DNAJA3: variants seen among roughly 807,000 people sequenced by gnomAD.
The protein encoded by DNAJA3 is dnaJ homolog subfamily A member 3, mitochondrial.
Under a neutral mutation model 54.9 loss-of-function variants are expected in DNAJA3, and 29 were observed. That is an observed-to-expected ratio of 0.53 (90% CI 0.39 to 0.72). DNAJA3 has a LOEUF of 0.72. DNAJA3 is among the 30% of genes least tolerant of loss of function. The pLI is 0.00. For synonymous variants in DNAJA3, 302 were observed against 251.4 expected, an observed-to-expected ratio of 1.20 and a Z score of -1.90; for missense variants, 708 against 639.4, an observed-to-expected ratio of 1.11 and a Z score of -1.16.
chr16:4,448,847 A>G lies in DNAJA3; in HGVS notation c.1240A>G (p.Lys414Glu), dbSNP rs372309680. 15 of 1,612,006 alleles carry G rather than the reference A, an allele frequency of 9.3e-6. No individual in the cohort carries two copies. The African/African-American group carries it at 1.6e-4, about 17-fold the overall frequency. Residue 414 changes from lysine (K) to glutamate (E), a missense_variant and splice_region_variant, in exon 9 of 12, where the codon AAG becomes GAG. Lys to Glu is a moderately conservative substitution (Grantham distance 56). Coordinates refer to ENST00000262375, the MANE Select transcript of DNAJA3 (RefSeq NM_005147.6). ...HYIHIKIRVP[K>E]RLTSRQQSLI... is the part of the protein sequence containing the mutation. ...CATCCACATCAAGATACGAGTTCCAAAGTAAGTGCCCCCTAGGCTGTGGCC... is the reference window on the plus strand; with the variant it reads ...CATCCACATCAAGATACGAGTTCCAGAGTAAGTGCCCCCTAGGCTGTGGCC...
chr16:4,451,808 C>T (rs1387220167), intron 10 of DNAJA3, among the ~76,000 whole-genome samples: 3 of 145,606 alleles, frequency 2.1e-5, no homozygotes, highest in Non-Finnish European at 4.5e-5. Context: ...CGCCTGTAAT[C>T]CTAGCACTTT....
At chr16:4,435,451 A>G (rs1596362071) in intron 2 of DNAJA3, among the ~76,000 whole-genome samples, 1 of 152,266 alleles carries the variant, frequency 6.6e-6, no homozygotes, top group African/African-American at 2.4e-5. Flanking sequence ...CATTACCTCG[A>G]AAAGAAACTC....
intron 2 of DNAJA3, among the ~76,000 whole-genome samples, chr16:4,434,930 T>C (rs2056755679): frequency 7.8e-6 from 1 of 127,966 alleles, no homozygotes; most frequent in African/African-American, 3.1e-5. Flanking sequence ...GGAGTCTCAC[T>C]CCATTGCTGA....
intron 8 of DNAJA3, chr16:4,447,679 C>G (rs1202932895): frequency 6.5e-6 from 1 of 152,828 alleles, no homozygotes; most frequent in Admixed American, 6.5e-5. Flanking sequence ...TGCTCCCTCA[C>G]TCCTGCTTCC....
chr16:4,446,049 G>GTAGCTGGGACTACAGGC (rs1434187919), intron 7 of DNAJA3, among the ~76,000 whole-genome samples: 10 of 150,246 alleles, frequency 6.7e-5, no homozygotes, highest in African/African-American at 7.3e-5. Flanking sequence ...AGCCTCCTGA[G>GTAGCTGGGACTACAGGC]TAGCTGGGAC....
rs573944756 is a variant in DNAJA3, at chr16:4,442,616, GAGCAC to G, written c.783+201_783+205del. Reference sequence around the variant, plus strand: ...CCTGATACCACAGGCTCAGCAACCAGAGCACAGCAGCTCCGGGGGCGGGGCGGGGG... The same window carrying G: ...CCTGATACCACAGGCTCAGCAACCAGAGCAGCTCCGGGGGCGGGGCGGGGG... On this transcript the variant is annotated intron_variant, in intron 5 of 11. Transcript: ENST00000262375. The G allele has an allele frequency of 6.3e-4, 387 of 612,178 alleles. 7 individuals are homozygous for G. In the East Asian group the frequency reaches 0.012, roughly 18 times the overall value. 37.9% of individuals were successfully genotyped at this position (612,178 alleles called of 1,614,324 possible).
At chr16:4,438,635 C>CT (rs56211652) in intron 3 of DNAJA3, among the ~76,000 whole-genome samples, 63,853 of 110,866 alleles carry the variant, frequency 0.58, 18,282 homozygotes, top group Non-Finnish European at 0.64. Flanking sequence ...ACAATCTTTT[C>CT]TTTTTTTTTT....
chr16:4,454,049 A>G (rs1247488666), intron 10 of DNAJA3, among the ~76,000 whole-genome samples: 1 of 152,216 alleles, frequency 6.6e-6, no homozygotes, highest in Non-Finnish European at 1.5e-5. Flanking sequence ...TGGGCCCTAA[A>G]GAAATTGCAG....
chr16:4,437,542 G>C, intron 3 of DNAJA3, 57 bp downstream of exon 3: 2 of 1,471,114 alleles, frequency 1.4e-6, no homozygotes, highest in Non-Finnish European at 1.9e-6. Context: ...ATGAATCAAA[G>C]GTTGCATTGC....
chr16:4,444,410 C>T lies in DNAJA3; in HGVS notation c.932-254C>T, dbSNP rs541077743. On this transcript the variant is annotated intron_variant, in intron 6 of 11. Coordinates refer to ENST00000262375, the MANE Select transcript of DNAJA3 (RefSeq NM_005147.6). ...CCAGGCTGGCGTGTAGTGGAGTGAT[C>T]TCGGCTCACTGCAACCTCCGCCTCC... Among the ~76,000 whole-genome samples, 4 of 146,066 alleles carry T rather than the reference C, an allele frequency of 2.7e-5. No individual in the cohort carries two copies. In the East Asian group the frequency reaches 8.0e-4, roughly 29 times the overall value.
chr16:4,451,896 TAAAA>T (rs368431722), intron 10 of DNAJA3, among the ~76,000 whole-genome samples: 2 of 138,870 alleles, frequency 1.4e-5, no homozygotes, highest in Non-Finnish European at 3.1e-5. Context: ...CTGTCTCTAC[TAAAA>T]AAAAAAAAAA....
chr16:4,451,307 C>T (rs1567334956), intron 10 of DNAJA3, among the ~76,000 whole-genome samples: 1 of 152,102 alleles, frequency 6.6e-6, no homozygotes, highest in Non-Finnish European at 1.5e-5. Flanking sequence ...TAGATTAGTG[C>T]ATGGTAATTC....
At chr16:4,445,917 C>CT (rs1555487957) in intron 7 of DNAJA3, among the ~76,000 whole-genome samples, 2 of 149,266 alleles carry the variant, frequency 1.3e-5, no homozygotes, top group African/African-American at 2.4e-5. Flanking sequence ...TTACTCTTCC[C>CT]TTTTTTTTCT....
chr16:4,438,289 C>T (rs532741147), intron 3 of DNAJA3, among the ~76,000 whole-genome samples: 1 of 151,832 alleles, frequency 6.6e-6, no homozygotes, highest in African/African-American at 2.4e-5. Context: ...TGCACTCCAG[C>T]CTGGGCGACA....
intron 10 of DNAJA3, among the ~76,000 whole-genome samples, chr16:4,453,386 A>G (rs886363134): frequency 6.6e-6 from 1 of 151,884 alleles, no homozygotes; most frequent in Admixed American, 6.6e-5. Flanking sequence ...GCTTGCAATT[A>G]CTATGTGACT....
At chr16:4,454,733 CG>C in intron 10 of DNAJA3, 77 bp from the exon 11 acceptor site, 2 of 1,118,898 alleles carry the variant, frequency 1.8e-6, no homozygotes, top group Non-Finnish European at 2.6e-6. Context: ...GGTGGCCAGG[CG>C]GGGGTAGGTG....
intron 6 of DNAJA3, 132 bp from the exon 7 acceptor site, chr16:4,444,532 C>T (rs750600215): frequency 3.5e-4 from 234 of 676,198 alleles, no homozygotes; most frequent in Non-Finnish European, 4.9e-4. Context: ...GACCAGGTTT[C>T]ACCATGTTGG....
At chr16:4,450,057 G>T (rs1005370385) in intron 9 of DNAJA3, 1 of 191,032 alleles carries the variant, frequency 5.2e-6, no homozygotes, top group East Asian at 1.3e-4. Context: ...CAAAATGCTG[G>T]GATTACAGGC....
Position 4,434,019 on chromosome 16 carries a change from G to A in DNAJA3, c.212-365G>A, listed in dbSNP as rs189210816. 13 of 265,480 alleles carry A rather than the reference G, an allele frequency of 4.9e-5. 1 individual carries two copies. The East Asian group carries it at 9.8e-4, about 20-fold the overall frequency. 16.4% of individuals were successfully genotyped at this position (265,480 alleles called of 1,614,324 possible). ...GTTTATTTAACTCACAGTTCAGCAC[G>A]GCTGGGGAGGCCTCAGCGATCGTGG... On this transcript the variant is annotated intron_variant, in intron 1 of 11. Coordinates refer to ENST00000262375, the MANE Select transcript of DNAJA3 (RefSeq NM_005147.6).
Sources: gnomAD v4.1 joint callset for allele counts (sites outside exome capture counted in the v4.1 genomes callset) on GRCh38, gnomAD v4.1.1 for gene constraint, MANE v1.5 for transcripts, NCBI Gene and HGNC (gene_info 2026-07-23, HGNC 2026-07-21) for gene names.